The following CPED1 variants were observed in gnomAD, a reference collection of about 807,000 sequenced individuals.
The protein encoded by CPED1 is cadherin-like and PC-esterase domain-containing protein 1.
Under a neutral mutation model 128.2 loss-of-function variants are expected in CPED1, and 114 were observed. The observed-to-expected ratio is 0.89, with a 90% CI of 0.76 to 1.04. The LOEUF (loss-of-function observed/expected upper bound fraction) is 1.04. Ranked by LOEUF, CPED1 falls within the 50% of genes least tolerant of loss-of-function variation. The probability of loss-of-function intolerance (pLI) is 0.00; values close to 1 mark genes in which losing one functional copy is unlikely to be tolerated. For missense variants in CPED1, 1,211 were observed against 1,207.1 expected (o/e 1.00, Z -0.05); for synonymous variants, 462 against 426.7 (o/e 1.08, Z -1.02).
chr7:121,145,760 C>A (rs1796010747), intron 16 of CPED1, among the ~76,000 whole-genome samples: 1 of 151,566 alleles, frequency 6.6e-6, no homozygotes, highest in African/African-American at 2.4e-5. Flanking sequence ...ATGAGATTTA[C>A]AAATTTTTAC....
chr7:121,172,569 G>T (rs1028770794), intron 16 of CPED1, among the ~76,000 whole-genome samples: 1 of 152,082 alleles, frequency 6.6e-6, no homozygotes, highest in South Asian at 2.1e-4. Context: ...TTATGTGTCT[G>T]CCCTTATAAA....
intron 16 of CPED1, among the ~76,000 whole-genome samples, chr7:121,196,662 A>G (rs968898330): frequency 1.3e-5 from 2 of 152,158 alleles, no homozygotes; most frequent in African/African-American, 4.8e-5. Context: ...CAGCAGGGAA[A>G]ATGCTATGAC....
intron 11 of CPED1, among the ~76,000 whole-genome samples, chr7:121,129,317 A>ATATATATATACGTG (rs1563037592): frequency 1.3e-4 from 17 of 126,844 alleles, no homozygotes; most frequent in African/African-American, 4.6e-4. Flanking sequence ...ATATACGTAT[A>ATATATATATACGTG]TATATATATA....
chr7:121,032,548 G>T (rs1369752019), intron 3 of CPED1, among the ~76,000 whole-genome samples: 1 of 145,672 alleles, frequency 6.9e-6, no homozygotes, highest in African/African-American at 2.6e-5. Context: ...GGGTGTCGGG[G>T]TGGTGGGGTG....
chr7:121,151,903 C>T (rs1019877454), intron 16 of CPED1, among the ~76,000 whole-genome samples: 1 of 152,102 alleles, frequency 6.6e-6, no homozygotes, highest in African/African-American at 2.4e-5. Context: ...GTTGTAGGAA[C>T]AAGATTGGGG....
Position 121,266,231 on chromosome 7 carries a change from T to C in CPED1, c.2315T>C (p.Leu772Pro). The change falls in exon 19 of 23, where the codon CTG becomes CCG. Residue 772 changes from leucine (L) to proline (P), a missense_variant. Coordinates refer to ENST00000310396, the MANE Select transcript of CPED1 (RefSeq NM_024913.5). ...LQQCLGGRKI[L>P]FIGDSTNRGI... is the part of the protein sequence containing the mutation. ...TGCTTTCTCTTTAACTTATAGATTC[T>C]GTTCATTGGAGATTCAACCAACAGA... 6.2e-7 allele frequency: 1 copy of C among 1,608,308 alleles called. No individual in the cohort carries two copies. The highest frequency in any genetic ancestry group is 1.3e-5 in the African/African-American group (1 of 74,880).
chr7:121,064,298 G>A lies in CPED1; in HGVS notation c.601G>A (p.Val201Ile). 5.0e-6 allele frequency: 8 copies of A among 1,611,118 alleles called. No individual in the cohort carries two copies. In the South Asian group the frequency reaches 5.5e-5, roughly 11 times the overall value. Residue 201 changes from valine (V) to isoleucine (I), a missense_variant, in exon 5 of 23, where the codon GTT becomes ATT. Transcript: ENST00000310396. ...LCRKEGLCQI[V>I]RRFPELQLPV... Reference sequence around the variant, plus strand: ...CAGAAAGGAAGGATTATGTCAAATAGTTAGAAGATTCCCAGGTAATCTTTC... The same window carrying A: ...CAGAAAGGAAGGATTATGTCAAATAATTAGAAGATTCCCAGGTAATCTTTC...
intron 3 of CPED1, among the ~76,000 whole-genome samples, chr7:121,034,667 G>T (rs776059823): frequency 6.6e-6 from 1 of 152,138 alleles, no homozygotes; most frequent in African/African-American, 2.4e-5. Flanking sequence ...CATTACAAAG[G>T]TAAGACCTTT....
intron 16 of CPED1, among the ~76,000 whole-genome samples, chr7:121,194,022 C>CTCTCCATATA (rs1484413430): frequency 1.3e-5 from 1 of 74,762 alleles, no homozygotes; most frequent in Non-Finnish European, 2.4e-5. Flanking sequence ...CTCTCTCTCT[C>CTCTCCATATA]TATATATATA....
intron 2 of CPED1, among the ~76,000 whole-genome samples, chr7:121,014,072 A>G (rs1792231326): frequency 6.6e-6 from 1 of 152,218 alleles, no homozygotes; most frequent in Non-Finnish European, 1.5e-5. Flanking sequence ...ATGTTTGACT[A>G]TTGAGAGTTG....
At chr7:121,257,839 A>T (rs1167855432) in intron 18 of CPED1, among the ~76,000 whole-genome samples, 2 of 152,112 alleles carry the variant, frequency 1.3e-5, no homozygotes, top group African/African-American at 4.8e-5. Context: ...ATGTTAAAGC[A>T]TAACAGTTAC....
At chr7:121,061,714 T>C (rs768517314) in intron 4 of CPED1, among the ~76,000 whole-genome samples, 10 of 152,254 alleles carry the variant, frequency 6.6e-5, no homozygotes, top group Non-Finnish European at 1.2e-4. Context: ...ACTCCTTTGA[T>C]GATGTTCCAC....
intron 4 of CPED1, among the ~76,000 whole-genome samples, chr7:121,058,341 C>T (rs1160374641): frequency 6.6e-6 from 1 of 152,042 alleles, no homozygotes; most frequent in Non-Finnish European, 1.5e-5. Flanking sequence ...AACAGGGAGA[C>T]TAATTATCGT....
At chr7:121,270,608 C>T (rs1792211182) in intron 21 of CPED1, among the ~76,000 whole-genome samples, 1 of 151,980 alleles carries the variant, frequency 6.6e-6, no homozygotes, top group African/African-American at 2.4e-5. Flanking sequence ...ATATAGAGAG[C>T]CAGTTATCCC....
intron 5 of CPED1, among the ~76,000 whole-genome samples, chr7:121,072,065 C>T (rs531153655): frequency 5.9e-5 from 9 of 151,944 alleles, no homozygotes; most frequent in African/African-American, 2.2e-4. Flanking sequence ...ATCATAATTT[C>T]TTTGCTGCCA....
intron 6 of CPED1, among the ~76,000 whole-genome samples, chr7:121,098,826 AAT>A (rs1178459678): frequency 9.0e-4 from 130 of 144,194 alleles, no homozygotes; most frequent in Middle Eastern, 7.3e-3. Flanking sequence ...TATATATATA[AAT>A]ATATATATAA....
At chr7:121,220,017 CAA>C (rs1191586912) in intron 16 of CPED1, among the ~76,000 whole-genome samples, 1 of 151,996 alleles carries the variant, frequency 6.6e-6, no homozygotes, top group Non-Finnish European at 1.5e-5. Context: ...AAGTGAAAGT[CAA>C]AATGTTTCCT....
chr7:121,187,602 C>T (rs1389616254), intron 16 of CPED1, among the ~76,000 whole-genome samples: 1 of 152,048 alleles, frequency 6.6e-6, no homozygotes, highest in African/African-American at 2.4e-5. Flanking sequence ...ATCTTGTCTG[C>T]ATCAAGCAGT....
chr7:121,153,611 C>A (rs1347957285), intron 16 of CPED1, among the ~76,000 whole-genome samples: 1 of 152,154 alleles, frequency 6.6e-6, no homozygotes, highest in Non-Finnish European at 1.5e-5. Flanking sequence ...AAGAACTTGC[C>A]AAGGTCACAT....
Sources: allele counts gnomAD v4.1 joint callset (sites outside exome capture counted in the v4.1 genomes callset), GRCh38; gene constraint gnomAD v4.1.1; transcripts MANE v1.5; gene names NCBI Gene and HGNC (gene_info 2026-07-23, HGNC 2026-07-21).